EFNA5: variants seen among roughly 807,000 people sequenced by gnomAD.
EFNA5 encodes the protein ephrin A5, also known as ephrin-A5.
Under a neutral mutation model 22.9 loss-of-function variants are expected in EFNA5, and 5 were observed. The ratio of observed to expected loss-of-function variants is 0.22; its 90% CI spans 0.11 to 0.46. EFNA5 has a LOEUF of 0.46. EFNA5 is among the 20% of genes least tolerant of loss of function. The pLI is 0.99. For missense variants in EFNA5, 237 were observed against 293.3 expected (o/e 0.81, Z 1.40); for synonymous variants, 113 against 112.2 (o/e 1.01, Z -0.04).
At chr5:107,449,288 C>G (rs140817916) in intron 1 of EFNA5, among the ~76,000 whole-genome samples, 1 of 151,582 alleles carries the variant, frequency 6.6e-6, no homozygotes, top group African/African-American at 2.4e-5. Context: ...GAGTGTCCAA[C>G]GCCTAGAGGC....
intron 1 of EFNA5, among the ~76,000 whole-genome samples, chr5:107,571,647 G>A (rs1029965808): frequency 6.6e-6 from 1 of 151,976 alleles, no homozygotes; most frequent in Non-Finnish European, 1.5e-5. Flanking sequence ...CTGGCTAGAA[G>A]GCTAAAGAAT....
chr5:107,617,740 G>T (rs1749953100), intron 1 of EFNA5, among the ~76,000 whole-genome samples: 1 of 152,190 alleles, frequency 6.6e-6, no homozygotes, highest in Non-Finnish European at 1.5e-5. Context: ...GATTTGGACT[G>T]AAGTGCTCTG....
intron 2 of EFNA5, among the ~76,000 whole-genome samples, chr5:107,391,682 T>C (rs1041244330): frequency 1.4e-4 from 22 of 152,318 alleles, no homozygotes; most frequent in Middle Eastern, 3.4e-3. Context: ...AGTCAGGAAG[T>C]TGGGAGTAGG....
At chr5:107,381,958 G>A (rs544145378) in intron 4 of EFNA5, among the ~76,000 whole-genome samples, 30 of 152,278 alleles carry the variant, frequency 2.0e-4, no homozygotes, top group Non-Finnish European at 3.7e-4. Context: ...TTCAATAAAC[G>A]TATGCCCACT....
chr5:107,429,128 A>T (rs1436202972), intron 1 of EFNA5, among the ~76,000 whole-genome samples: 1 of 152,034 alleles, frequency 6.6e-6, no homozygotes, highest in Non-Finnish European at 1.5e-5. Flanking sequence ...GTTTGTGACC[A>T]ATGTCCACCC....
intron 1 of EFNA5, among the ~76,000 whole-genome samples, chr5:107,669,954 TC>T (rs1733686075): frequency 6.9e-6 from 1 of 145,578 alleles, no homozygotes; most frequent in African/African-American, 2.6e-5. Flanking sequence ...AGCTTCCGCT[TC>T]CCAGCCCCCC....
chr5:107,394,592 G>GA (rs1747870957), intron 2 of EFNA5, among the ~76,000 whole-genome samples: 3 of 152,138 alleles, frequency 2.0e-5, no homozygotes, highest in African/African-American at 7.2e-5. Flanking sequence ...CAGCTGTGCA[G>GA]CCACACACAA....
intron 1 of EFNA5, among the ~76,000 whole-genome samples, chr5:107,461,977 C>G (rs935042722): frequency 1.3e-5 from 2 of 152,176 alleles, no homozygotes; most frequent in Admixed American, 6.5e-5. Flanking sequence ...TACACATTAA[C>G]TAAATTCCAA....
intron 1 of EFNA5, among the ~76,000 whole-genome samples, chr5:107,520,919 C>A (rs1747583085): frequency 6.6e-6 from 1 of 152,166 alleles, no homozygotes; most frequent in African/African-American, 2.4e-5. Flanking sequence ...ATGTATCATA[C>A]TAAAGAAAAC....
At chr5:107,629,991 G>A (rs1750215540) in intron 1 of EFNA5, among the ~76,000 whole-genome samples, 1 of 151,806 alleles carries the variant, frequency 6.6e-6, no homozygotes, top group African/African-American at 2.4e-5. Context: ...GGGAGGCGGA[G>A]GTTGCAGTGA....
At chr5:107,491,103 C>T (rs1043047812) in intron 1 of EFNA5, among the ~76,000 whole-genome samples, 10 of 152,078 alleles carry the variant, frequency 6.6e-5, no homozygotes, top group African/African-American at 1.4e-4. Context: ...ATCAGAATTC[C>T]GTAATAAAAT....
At position 107,555,386 on chromosome 5, in the gene EFNA5, T is replaced by C. The variant is rs1025720707; in HGVS notation, c.125+115103A>G. Among the ~76,000 whole-genome samples the C allele has an allele frequency of 2.0e-5, 3 of 152,254 alleles. No individual in the cohort carries two copies. The East Asian group carries it at 5.8e-4, about 29-fold the overall frequency. The stretch of plus-strand genomic sequence containing the variant: ...CATTTTTTAGTGCTTTTGTGTCCAC[T>C]GTTATATGCCATTTTGTGTACAGGA... On this transcript the variant is annotated intron_variant, in intron 1 of 4. Coordinates refer to ENST00000333274, the MANE Select transcript of EFNA5 (RefSeq NM_001962.3).
intron 1 of EFNA5, among the ~76,000 whole-genome samples, chr5:107,547,229 T>C (rs1432081765): frequency 6.6e-6 from 1 of 152,220 alleles, no homozygotes; most frequent in African/African-American, 2.4e-5. Flanking sequence ...AAGATACAAC[T>C]TCCTTCGGGC....
intron 1 of EFNA5, among the ~76,000 whole-genome samples, chr5:107,525,313 G>A (rs1337918833): frequency 1.3e-5 from 2 of 152,050 alleles, no homozygotes; most frequent in African/African-American, 4.8e-5. Context: ...TATATAAAAT[G>A]TATATGGCAT....
chr5:107,517,983 T>G, intron 1 of EFNA5, among the ~76,000 whole-genome samples: 1 of 152,156 alleles, frequency 6.6e-6, no homozygotes, highest in East Asian at 1.9e-4. Flanking sequence ...GGATCCAAAC[T>G]ATATATGCAA....
At chr5:107,466,790 G>C (rs530357622) in intron 1 of EFNA5, among the ~76,000 whole-genome samples, 7 of 152,156 alleles carry the variant, frequency 4.6e-5, no homozygotes, top group Non-Finnish European at 8.8e-5. Flanking sequence ...GGGCCATCAG[G>C]AAAGGGCTCC....
At chr5:107,463,351 T>C (rs1246908871) in intron 1 of EFNA5, among the ~76,000 whole-genome samples, 1 of 152,110 alleles carries the variant, frequency 6.6e-6, no homozygotes. Flanking sequence ...ATAAATAAAG[T>C]TCACTTTCAT....
chr5:107,542,157 A>T (rs1009735591), intron 1 of EFNA5, among the ~76,000 whole-genome samples: 2 of 152,162 alleles, frequency 1.3e-5, no homozygotes, highest in Non-Finnish European at 1.5e-5. Flanking sequence ...TTTCAGGGGG[A>T]AAATAATATG....
chr5:107,648,907 T>C (rs1053982040), intron 1 of EFNA5, among the ~76,000 whole-genome samples: 1 of 152,180 alleles, frequency 6.6e-6, no homozygotes, highest in East Asian at 1.9e-4. Flanking sequence ...TTAGTTCCTC[T>C]TAACTGAAAA....
Sources: allele counts gnomAD v4.1 joint callset (sites outside exome capture counted in the v4.1 genomes callset), GRCh38; gene constraint gnomAD v4.1.1; transcripts MANE v1.5; gene names NCBI Gene and HGNC (gene_info 2026-07-23, HGNC 2026-07-21).